The following GRM1 variants were observed in gnomAD, a reference collection of about 807,000 sequenced individuals.
GRM1 encodes the protein metabotropic glutamate receptor 1.
A neutral mutation model predicts 90.9 loss-of-function variants in GRM1; 33 were observed. The ratio of observed to expected loss-of-function variants is 0.36; its 90% CI spans 0.28 to 0.49. GRM1 has a LOEUF of 0.49. Among genes scored for constraint, GRM1 ranks in the 20% least tolerant of loss-of-function variants. The pLI is 0.99. For synonymous variants in GRM1, 700 were observed against 613.2 expected (o/e 1.14, Z -2.09); for missense variants, 1,190 against 1,534.3 (o/e 0.78, Z 3.75).
At chr6:146,368,267 G>C (rs945478302) in intron 5 of GRM1, among the ~76,000 whole-genome samples, 1 of 136,394 alleles carries the variant, frequency 7.3e-6, no homozygotes, top group Non-Finnish European at 1.6e-5. Context: ...TTTTGGGGGG[G>C]GGGGTAGAAT....
intron 1 of GRM1, among the ~76,000 whole-genome samples, chr6:146,075,205 G>T (rs988995699): frequency 6.6e-6 from 1 of 152,128 alleles, no homozygotes; most frequent in Non-Finnish European, 1.5e-5. Flanking sequence ...TTATTACCTT[G>T]ATTGACAAAG....
intron 2 of GRM1, among the ~76,000 whole-genome samples, chr6:146,229,418 A>G (rs917648694): frequency 1.4e-4 from 21 of 149,800 alleles, no homozygotes; most frequent in African/African-American, 4.4e-4. Flanking sequence ...TTGGAGCCAT[A>G]GGGACCGGAA....
At chr6:146,198,356 C>G (rs1436579808) in intron 2 of GRM1, among the ~76,000 whole-genome samples, 1 of 152,154 alleles carries the variant, frequency 6.6e-6, no homozygotes, top group African/African-American at 2.4e-5. Context: ...TCGACCCTGC[C>G]TCCTTTAGGA....
intron 1 of GRM1, among the ~76,000 whole-genome samples, chr6:146,097,350 C>A (rs1412253122): frequency 6.6e-6 from 1 of 151,912 alleles, no homozygotes; most frequent in African/African-American, 2.4e-5. Context: ...TTAGTAGAAA[C>A]CAGTTTTAAT....
intron 2 of GRM1, among the ~76,000 whole-genome samples, chr6:146,284,554 T>A (rs972002915): frequency 2.0e-5 from 3 of 152,186 alleles, no homozygotes; most frequent in Non-Finnish European, 4.4e-5. Context: ...GGTATTGTAA[T>A]CCCCATGTGT....
chr6:146,237,014 TG>T (rs1317296945), intron 2 of GRM1, among the ~76,000 whole-genome samples: 3 of 152,114 alleles, frequency 2.0e-5, no homozygotes, highest in Admixed American at 6.6e-5. Flanking sequence ...TAGTAAAATT[TG>T]TCTCACTGGC....
chr6:146,320,001 G>A (rs1037961376), intron 3 of GRM1, among the ~76,000 whole-genome samples: 11 of 152,078 alleles, frequency 7.2e-5, no homozygotes, highest in Admixed American at 3.9e-4. Context: ...CCAATACTAC[G>A]TTGAATAAGA....
At chr6:146,346,347 A>AAG (rs1785190327) in intron 3 of GRM1, among the ~76,000 whole-genome samples, 1 of 152,258 alleles carries the variant, frequency 6.6e-6, no homozygotes, top group South Asian at 2.1e-4. Context: ...AACTAATAAT[A>AAG]ACCGTGATAA....
chr6:146,434,202 A>G lies in GRM1; in HGVS notation c.2991A>G (p.Ala997=), dbSNP rs140244084. ...CGCCTCTGCCGTCCCACCTGACCGC[A>G]GAGGAGACCCCCCTCTTCCTGGCCG... ...TTPPLPSHLT[A]EETPLFLAEP... Residue 997 remains alanine, a synonymous_variant, in exon 8 of 8, where the codon GCA becomes GCG. Transcript: ENST00000282753. The G allele has an allele frequency of 2.4e-4, 386 of 1,611,560 alleles. 3 individuals carry two copies. The African/African-American group carries it at 4.5e-3, about 19-fold the overall frequency.
intron 1 of GRM1, among the ~76,000 whole-genome samples, chr6:146,142,481 G>A (rs1016823189): frequency 1.3e-5 from 2 of 152,038 alleles, no homozygotes; most frequent in Non-Finnish European, 2.9e-5. Flanking sequence ...TTCCCTTCAG[G>A]GTGATGAGTT....
At chr6:146,402,384 T>G in intron 7 of GRM1, among the ~76,000 whole-genome samples, 1 of 152,278 alleles carries the variant, frequency 6.6e-6, no homozygotes, top group South Asian at 2.1e-4. Flanking sequence ...AATTTTAGTA[T>G]ATAAAAAAGA....
At chr6:146,405,714 G>C (rs188644192) in intron 7 of GRM1, among the ~76,000 whole-genome samples, 3 of 140,428 alleles carry the variant, frequency 2.1e-5, no homozygotes, top group Non-Finnish European at 4.5e-5. Context: ...TTGTTTGTTT[G>C]TTTGTTTTTT....
chr6:146,057,966 T>A (rs567383974), intron 1 of GRM1, among the ~76,000 whole-genome samples: 67 of 152,210 alleles, frequency 4.4e-4, no homozygotes, highest in Middle Eastern at 6.8e-3. Context: ...GGTGCACCCA[T>A]CACCCAAGCA....
intron 7 of GRM1, among the ~76,000 whole-genome samples, chr6:146,412,822 C>T (rs1777619243): frequency 6.6e-6 from 1 of 152,150 alleles, no homozygotes; most frequent in African/African-American, 2.4e-5. Flanking sequence ...ACTACCACTA[C>T]CAACTCATTA....
chr6:146,377,967 G>A (rs1776172206), intron 5 of GRM1, among the ~76,000 whole-genome samples: 1 of 152,116 alleles, frequency 6.6e-6, no homozygotes, highest in Non-Finnish European at 1.5e-5. Flanking sequence ...CATCCCAGCT[G>A]TGGCTAAAAT....
In GRM1 at chr6:146,070,796, C is replaced by T. The variant is rs908490841; in HGVS notation, c.700+40579C>T. On this transcript the variant is annotated intron_variant, in intron 1 of 7. Transcript: ENST00000282753. The stretch of plus-strand genomic sequence containing the variant: ...ACCTTACTAGTCATTCAGGAATCCA[C>T]TTGAATTATCAGGAAAGACTTCTTA... Among the ~76,000 whole-genome samples the T allele has an allele frequency of 4.6e-5, 7 of 152,122 alleles. 1 individual carries two copies. Among genetic ancestry groups the T allele is most frequent in the Admixed American group, 1.3e-4 (2 of 15,266 alleles).
At chr6:146,361,369 T>G (rs1314425115) in intron 5 of GRM1, among the ~76,000 whole-genome samples, 1 of 151,746 alleles carries the variant, frequency 6.6e-6, no homozygotes, top group African/African-American at 2.4e-5. Flanking sequence ...CCAAAGAGAG[T>G]CTGGGGCAAC....
At chr6:146,215,677 T>C (rs1779845602) in intron 2 of GRM1, among the ~76,000 whole-genome samples, 1 of 152,136 alleles carries the variant, frequency 6.6e-6, no homozygotes, top group South Asian at 2.1e-4. Context: ...TCCTTTATGA[T>C]GTGCTTATTT....
At chr6:146,248,540 A>G (rs913067633) in intron 2 of GRM1, among the ~76,000 whole-genome samples, 1 of 152,158 alleles carries the variant, frequency 6.6e-6, no homozygotes, top group Non-Finnish European at 1.5e-5. Flanking sequence ...GCCTTCTGCC[A>G]TGATTGTAAA....
Sources: gnomAD v4.1 joint callset for allele counts (sites outside exome capture counted in the v4.1 genomes callset) on GRCh38, gnomAD v4.1.1 for gene constraint, MANE v1.5 for transcripts, NCBI Gene and HGNC (gene_info 2026-07-23, HGNC 2026-07-21) for gene names.